Variants in DTL observed in about 807,000 individuals in gnomAD.
The protein encoded by DTL is denticleless E3 ubiquitin protein ligase adapter.
A neutral mutation model predicts 87.0 loss-of-function variants in DTL; 46 were observed. The ratio of observed to expected loss-of-function variants is 0.53; its 90% CI spans 0.42 to 0.68. The LOEUF (loss-of-function observed/expected upper bound fraction) is 0.68. Among genes scored for constraint, DTL ranks in the 30% least tolerant of loss-of-function variants. The probability of loss-of-function intolerance (pLI) is 0.00; values close to 1 mark genes in which losing one functional copy is unlikely to be tolerated. For synonymous variants in DTL, 308 were observed against 311.2 expected (o/e 0.99, Z 0.11); for missense variants, 737 against 869.4 (o/e 0.85, Z 1.91).
At chr1:212,072,822 G>A (rs2102558501) in intron 11 of DTL, among the ~76,000 whole-genome samples, 1 of 145,682 alleles carries the variant, frequency 6.9e-6, no homozygotes, top group Non-Finnish European at 1.5e-5. Flanking sequence ...GGAGTGCAGT[G>A]GCACGATCTT....
chr1:212,057,178 G>GT (rs1553257056), intron 5 of DTL, among the ~76,000 whole-genome samples: 1 of 151,692 alleles, frequency 6.6e-6, no homozygotes, highest in Non-Finnish European at 1.5e-5. Flanking sequence ...ATTCAAAAAG[G>GT]TTTTTTTTCC....
intron 13 of DTL, among the ~76,000 whole-genome samples, chr1:212,087,575 C>A (rs1456385519): frequency 6.6e-6 from 1 of 151,752 alleles, no homozygotes; most frequent in African/African-American, 2.4e-5. Context: ...CCTAGCAGAG[C>A]AAGGCAAAAG....
chr1:212,095,984 G>A (rs369689346), intron 13 of DTL, among the ~76,000 whole-genome samples: 3 of 152,142 alleles, frequency 2.0e-5, no homozygotes, highest in East Asian at 1.9e-4. Flanking sequence ...ATTCAGCAGT[G>A]AATCCATCTG....
intron 1 of DTL, among the ~76,000 whole-genome samples, chr1:212,040,906 AT>A (rs1667619525): frequency 6.6e-6 from 1 of 152,220 alleles, no homozygotes; most frequent in African/African-American, 2.4e-5. Flanking sequence ...TTTCAGTTTA[AT>A]AGTTTCAGAC....
At position 212,100,394 on chromosome 1, in the gene DTL, T is replaced by C; in HGVS notation, c.1404T>C (p.Ser468=). The part of the protein sequence containing the change: ...LPLPSNTPTF[S]IKTSPAKARS... ...TTCCTTCAAATACTCCTACGTTCTC[T>C]ATTAAAACCTCTCCTGCCAAGGCCC... is the stretch of plus-strand genomic sequence containing the variant. The change falls in exon 14 of 15, where the codon TCT becomes TCC. Residue 468 remains serine (S), a synonymous_variant. Transcript: ENST00000366991. 1 of 1,613,998 alleles carries C rather than the reference T, an allele frequency of 6.2e-7. No individual in the cohort carries two copies. Among genetic ancestry groups the C allele is most frequent in the Non-Finnish European group, 8.5e-7 (1 of 1,180,000 alleles).
intron 12 of DTL, among the ~76,000 whole-genome samples, chr1:212,079,197 A>G (rs1654922317): frequency 6.6e-6 from 1 of 151,934 alleles, no homozygotes; most frequent in Non-Finnish European, 1.5e-5. Flanking sequence ...AAAATTACAT[A>G]TTAATGATAT....
intron 5 of DTL, among the ~76,000 whole-genome samples, chr1:212,059,597 T>C (rs1668278810): frequency 2.0e-5 from 3 of 152,074 alleles, no homozygotes. Context: ...AGCCTTTCCC[T>C]TGAGAACTGG....
At chr1:212,045,166 A>T (rs1008147418) in intron 3 of DTL, among the ~76,000 whole-genome samples, 1 of 152,228 alleles carries the variant, frequency 6.6e-6, no homozygotes, top group African/African-American at 2.4e-5. Context: ...AATGCCTCCC[A>T]TTAGGTCCCA....
intron 5 of DTL, chr1:212,051,702 C>T (rs1252020974): frequency 3.3e-5 from 39 of 1,199,268 alleles, no homozygotes; most frequent in East Asian, 7.0e-5. Flanking sequence ...GAAGCTATCT[C>T]GGCTCTTAGA....
chr1:212,080,572 T>C, intron 12 of DTL, 43 bp from the exon 13 acceptor site: 1 of 1,582,938 alleles, frequency 6.3e-7, no homozygotes, highest in Non-Finnish European at 8.6e-7. Context: ...ATTTTGAATC[T>C]TGATTGAAAT....
chr1:212,083,569 G>T (rs1173727188), intron 13 of DTL, among the ~76,000 whole-genome samples: 6 of 152,160 alleles, frequency 3.9e-5, no homozygotes, highest in African/African-American at 1.4e-4. Context: ...CCAGGTATTG[G>T]TAATAATAAG....
intron 13 of DTL, among the ~76,000 whole-genome samples, chr1:212,090,308 A>G (rs1329640062): frequency 6.6e-6 from 1 of 152,252 alleles, no homozygotes; most frequent in Non-Finnish European, 1.5e-5. Context: ...GGGTAAAAAA[A>G]GGACAGGATA....
At chr1:212,062,511 A>C (rs539500821) in intron 5 of DTL, among the ~76,000 whole-genome samples, 9 of 152,306 alleles carry the variant, frequency 5.9e-5, no homozygotes, top group African/African-American at 2.2e-4. Context: ...TACTTACCTA[A>C]TAAGGTTGAT....
intron 12 of DTL, among the ~76,000 whole-genome samples, chr1:212,079,085 A>G (rs549432594): frequency 1.3e-5 from 2 of 152,144 alleles, no homozygotes; most frequent in East Asian, 3.9e-4. Context: ...CATCCCTGCT[A>G]GCTTCCAGTA....
intron 7 of DTL, among the ~76,000 whole-genome samples, 163 bp from the exon 8 acceptor site, chr1:212,066,649 C>T (rs144042867): frequency 1.1e-4 from 16 of 152,258 alleles, no homozygotes; most frequent in African/African-American, 3.4e-4. Flanking sequence ...ATGATCCTTG[C>T]TAAAATTACC....
chr1:212,076,274 C>G (rs568594252), intron 11 of DTL, among the ~76,000 whole-genome samples: 4 of 152,288 alleles, frequency 2.6e-5, no homozygotes, highest in African/African-American at 9.6e-5. Flanking sequence ...AATTGTTTAA[C>G]TTTCTGAGGA....
intron 13 of DTL, among the ~76,000 whole-genome samples, chr1:212,093,454 G>A (rs1315310377): frequency 6.6e-6 from 1 of 152,226 alleles, no homozygotes; most frequent in African/African-American, 2.4e-5. Context: ...TGGGCTTGGA[G>A]AATTTGAGTG....
At chr1:212,043,142 A>G (rs1667704642) in intron 2 of DTL, 24 bp downstream of exon 2, 1 of 1,600,518 alleles carries the variant, frequency 6.2e-7, no homozygotes, top group Non-Finnish European at 8.5e-7. Flanking sequence ...TATCTAGGCA[A>G]GGCTTGGACA....
At chr1:212,065,079 G>C (rs776967527) in intron 7 of DTL, 50 bp downstream of exon 7, 1 of 1,283,318 alleles carries the variant, frequency 7.8e-7, no homozygotes, top group Non-Finnish European at 1.1e-6. Flanking sequence ...CTGTAGGATA[G>C]AATAAATGGG....
Sources: allele counts gnomAD v4.1 joint callset (sites outside exome capture counted in the v4.1 genomes callset), GRCh38; gene constraint gnomAD v4.1.1; transcripts MANE v1.5; gene names NCBI Gene and HGNC (gene_info 2026-07-23, HGNC 2026-07-21).